Variants in CLASP1 observed in about 807,000 individuals in gnomAD.
CLASP1 encodes CLIP-associating protein 1.
CLASP1 carries 38 observed loss-of-function variants against 192.3 expected under a neutral mutation model. The ratio of observed to expected loss-of-function variants is 0.20; its 90% confidence interval spans 0.15 to 0.26. CLASP1 has a LOEUF of 0.26. CLASP1 is among the 10% of genes least tolerant of loss of function. The pLI is 1.00. For missense variants in CLASP1, 1,433 were observed against 1,932.5 expected, an observed-to-expected ratio of 0.74 and a Z score of 4.85; for synonymous variants, 691 against 712.8, an observed-to-expected ratio of 0.97 and a Z score of 0.49.
At chr2:121,470,069 C>G (rs1348636078) in intron 8 of CLASP1, 109 bp from the exon 9 acceptor site, 2 of 903,048 alleles carry the variant, frequency 2.2e-6, no homozygotes, top group Non-Finnish European at 3.3e-6. Flanking sequence ...GAGACTGATT[C>G]TGCATACTCT....
chr2:121,362,586 G>A (rs749139177), intron 37 of CLASP1, among the ~76,000 whole-genome samples: 63 of 152,220 alleles, frequency 4.1e-4, no homozygotes, highest in Admixed American at 1.4e-3. Context: ...CACACTGAAC[G>A]GCTGGGAGGG....
At chr2:121,480,753 CTTTG>C (rs2092533096) in intron 8 of CLASP1, among the ~76,000 whole-genome samples, 1 of 152,182 alleles carries the variant, frequency 6.6e-6, no homozygotes, top group South Asian at 2.1e-4. Flanking sequence ...GTGATGACAC[CTTTG>C]TTTGCCTCAG....
chr2:121,469,897 G>A (rs1403669776), exon 9 of CLASP1: 5 of 1,613,558 alleles, frequency 3.1e-6, no homozygotes, highest in Non-Finnish European at 4.2e-6. Flanking sequence ...AGCCTTGGAT[G>A]ATGTAGAACT....
chr2:121,457,454 GACATACACACACAC>G (rs2086923799), intron 14 of CLASP1, among the ~76,000 whole-genome samples: 1 of 131,728 alleles, frequency 7.6e-6, no homozygotes, highest in Non-Finnish European at 1.5e-5. Context: ...CTCTCACACA[GACATACACACACAC>G]ACACACACAC....
chr2:121,523,438 A>T (rs1388929234), intron 6 of CLASP1, among the ~76,000 whole-genome samples: 1 of 152,222 alleles, frequency 6.6e-6, no homozygotes, highest in Non-Finnish European at 1.5e-5. Flanking sequence ...ACACAAAAAC[A>T]GACTAGGCCC....
At chr2:121,636,331 A>G (rs2070852731) in intron 1 of CLASP1, among the ~76,000 whole-genome samples, 1 of 142,826 alleles carries the variant, frequency 7.0e-6, no homozygotes, top group African/African-American at 2.7e-5. Flanking sequence ...GTGAGACTCC[A>G]TTTCAAAAAT....
chr2:121,498,201 CTTTTTT>C (rs70954551), intron 8 of CLASP1, among the ~76,000 whole-genome samples: 1 of 119,128 alleles, frequency 8.4e-6, no homozygotes, highest in Non-Finnish European at 1.7e-5. Flanking sequence ...GTAATAGTTT[CTTTTTT>C]TTTTTTTTTT....
chr2:121,490,559 A>T (rs1378068102), intron 8 of CLASP1, among the ~76,000 whole-genome samples: 1 of 152,218 alleles, frequency 6.6e-6, no homozygotes, highest in African/African-American at 2.4e-5. Context: ...GGTATTAAAA[A>T]TTTTTAAACC....
exon 19 of CLASP1, chr2:121,447,492 G>A: frequency 2.6e-6 from 4 of 1,553,298 alleles, no homozygotes; most frequent in Non-Finnish European, 3.5e-6. Flanking sequence ...CACAGATTTG[G>A]TACTAACTGT....
intron 2 of CLASP1, among the ~76,000 whole-genome samples, chr2:121,560,970 G>A (rs915202238): frequency 4.6e-5 from 7 of 152,148 alleles, no homozygotes; most frequent in South Asian, 2.1e-4. Flanking sequence ...GCAATGGCAC[G>A]ATCCTGGCTC....
At chr2:121,342,125 ATTT>A (rs113122537) in intron 39 of CLASP1, among the ~76,000 whole-genome samples, 1 of 146,626 alleles carries the variant, frequency 6.8e-6, no homozygotes, top group African/African-American at 2.5e-5. Flanking sequence ...TAAAAAAAGA[ATTT>A]TTTTTTTTTT....
At chr2:121,625,818 A>T (rs1385426443) in intron 1 of CLASP1, among the ~76,000 whole-genome samples, 2 of 151,906 alleles carry the variant, frequency 1.3e-5, no homozygotes, top group African/African-American at 4.8e-5. Context: ...CAGGCTGGGC[A>T]CAGTGGCTCA....
chr2:121,618,570 T>C (rs1212309487), intron 1 of CLASP1, among the ~76,000 whole-genome samples: 1 of 152,058 alleles, frequency 6.6e-6, no homozygotes. Context: ...CCAAGAATTA[T>C]CTATACAGAC....
intron 2 of CLASP1, among the ~76,000 whole-genome samples, chr2:121,535,300 A>G (rs1312019613): frequency 1.3e-5 from 2 of 152,188 alleles, no homozygotes; most frequent in African/African-American, 4.8e-5. Flanking sequence ...TAAATTAATT[A>G]AATTAAATAA....
At chr2:121,634,155 C>G (rs60538231) in intron 1 of CLASP1, among the ~76,000 whole-genome samples, 1 of 152,156 alleles carries the variant, frequency 6.6e-6, no homozygotes, top group Non-Finnish European at 1.5e-5. Context: ...CATAGTAGCA[C>G]GCTTAATACA....
At chr2:121,610,156 G>C (rs1576438803) in intron 1 of CLASP1, among the ~76,000 whole-genome samples, 1 of 152,308 alleles carries the variant, frequency 6.6e-6, no homozygotes, top group South Asian at 2.1e-4. Flanking sequence ...AGGGAAAAAG[G>C]ATGACGTGGA....
Position 121,549,706 on chromosome 2 carries a change from C to CAAAAAAAAA in CLASP1, c.196-19390_196-19382dup, listed in dbSNP as rs57551536. Among the ~76,000 whole-genome samples the CAAAAAAAAA allele has an allele frequency of 2.0e-3, 142 of 70,502 alleles. 6 individuals are homozygous for CAAAAAAAAA. The highest frequency in any genetic ancestry group is 5.1e-3 in the African/African-American group (92 of 18,160). 46.3% of individuals were successfully genotyped at this position (70,502 alleles called of 152,430 possible). ...TAATTGGACATAAAACAATCCTCTG[C>CAAAAAAAAA]AAAAAAAAAAAAAAAAAGGCCTGGC... On this transcript the variant is annotated intron_variant, in intron 2 of 39. Transcript: ENST00000263710.
chr2:121,536,456 C>A (rs1270136033), intron 2 of CLASP1, among the ~76,000 whole-genome samples: 4 of 149,328 alleles, frequency 2.7e-5, no homozygotes, highest in African/African-American at 9.9e-5. Context: ...TGGGCATATA[C>A]CCAAAAGAAG....
At chr2:121,531,321 C>A (rs531599026) in intron 2 of CLASP1, among the ~76,000 whole-genome samples, 2 of 152,144 alleles carry the variant, frequency 1.3e-5, no homozygotes, top group Non-Finnish European at 2.9e-5. Flanking sequence ...CCAGGTCGGG[C>A]GCGGTGGCTC....
Sources: allele counts gnomAD v4.1 joint callset (sites outside exome capture counted in the v4.1 genomes callset), GRCh38; gene constraint gnomAD v4.1.1; transcripts MANE v1.5; gene names NCBI Gene and HGNC (gene_info 2026-07-23, HGNC 2026-07-21).